MYLK4: variants seen among roughly 807,000 people sequenced by gnomAD.
MYLK4 encodes the protein caMLCK like.
In MYLK4, 46 loss-of-function variants were observed where a neutral mutation model predicts 48.1. The ratio of observed to expected loss-of-function variants is 0.96; its 90% CI spans 0.75 to 1.22. MYLK4 has a LOEUF of 1.22. Ranked by LOEUF, MYLK4 falls within the 50% of genes most tolerant of loss-of-function variation. The pLI is 0.00. For missense variants in MYLK4, 451 were observed against 486.1 expected, an observed-to-expected ratio of 0.93 and a Z score of 0.68; for synonymous variants, 170 against 180.8, an observed-to-expected ratio of 0.94 and a Z score of 0.48.
At chr6:2,722,384 T>C (rs954743767) in intron 2 of MYLK4, among the ~76,000 whole-genome samples, 8 of 152,190 alleles carry the variant, frequency 5.3e-5, no homozygotes, top group African/African-American at 1.9e-4. Context: ...ATAGTAGTGC[T>C]TTACATAGCT....
intron 4 of MYLK4, among the ~76,000 whole-genome samples, chr6:2,686,067 CAA>C (rs35091208): frequency 3.9e-3 from 470 of 119,206 alleles, no homozygotes; most frequent in African/African-American, 0.012. Context: ...GAATCCATCT[CAA>C]AAAAAAAAAA....
intron 2 of MYLK4, among the ~76,000 whole-genome samples, chr6:2,729,972 G>A (rs908484620): frequency 6.6e-6 from 1 of 152,182 alleles, no homozygotes; most frequent in African/African-American, 2.4e-5. Context: ...AAAGCACATC[G>A]CCTTACTGAA....
intron 2 of MYLK4, among the ~76,000 whole-genome samples, chr6:2,723,824 G>A (rs1763154924): frequency 6.6e-6 from 1 of 152,104 alleles, no homozygotes; most frequent in Non-Finnish European, 1.5e-5. Context: ...TATTTTGTCA[G>A]TTTCTAATGC....
the MYLK4 span, chr6:2,766,118 G>A: frequency 2.3e-6 from 3 of 1,325,814 alleles, no homozygotes; most frequent in African/African-American, 1.5e-5. Flanking sequence ...GCAGGAGGAG[G>A]AGGAGGCCGT....
At position 2,737,981 on chromosome 6, in the gene MYLK4, T is replaced by C. The variant is rs4959723; in HGVS notation, c.159+11155A>G. On this transcript the variant is annotated intron_variant, in intron 2 of 12. Transcript: ENST00000274643. ...CTGGGGGTGGGGTGCCGGGGGCGGG[T>C]GGGGGGGGGGTGGTCAATGTTATTA... Among the ~76,000 whole-genome samples the C allele has an allele frequency of 7.6e-4, 21 of 27,690 alleles. 3 individuals are homozygous for C. The highest frequency in any genetic ancestry group is 1.6e-3 in the African/African-American group (15 of 9,278). 18.2% of individuals were successfully genotyped at this position (27,690 alleles called of 152,430 possible).
At chr6:2,704,051 G>A (rs145587407) in intron 2 of MYLK4, among the ~76,000 whole-genome samples, 2,017 of 152,290 alleles carry the variant, frequency 0.013, 27 homozygotes, top group Non-Finnish European at 0.021. Flanking sequence ...TTATCACACT[G>A]TGTTGAATGA....
At chr6:2,721,782 T>G (rs1398130334) in intron 2 of MYLK4, among the ~76,000 whole-genome samples, 1 of 152,222 alleles carries the variant, frequency 6.6e-6, no homozygotes, top group Admixed American at 6.5e-5. Flanking sequence ...GTTTCCCAAG[T>G]TGCTAGAGAG....
In MYLK4 at chr6:2,672,029, G is replaced by T. The variant is rs1209549341; in HGVS notation, c.1120-681C>A. Among the ~76,000 whole-genome samples, 2 of 152,224 alleles carry T rather than the reference G, an allele frequency of 1.3e-5. No homozygotes were observed. The highest frequency in any genetic ancestry group is 1.3e-4 in the Admixed American group (2 of 15,286). On this transcript the variant is annotated intron_variant, in intron 11 of 12. Transcript: ENST00000274643. The surrounding 1 kb of genome is among the most constrained non-coding windows in gnomAD (Gnocchi z 4.3). The stretch of plus-strand genomic sequence containing the variant: ...TCTGAGCTGTAATTAAGGAACTAAT[G>T]ATTTGATAGATTAGGGAAGAGGGTG...
intron 2 of MYLK4, among the ~76,000 whole-genome samples, chr6:2,697,270 C>G (rs1489892853): frequency 3.9e-5 from 6 of 152,184 alleles, no homozygotes; most frequent in Non-Finnish European, 8.8e-5. Context: ...TCTAATTAGT[C>G]GGTTTGAGTG....
rs755265191 is a variant in MYLK4, at chr6:2,685,572, G to T, written c.346C>A (p.Arg116Ser). Residue 116 changes from arginine to serine, a missense_variant, in exon 5 of 13, where the codon CGT becomes AGT. Coordinates refer to ENST00000274643, the MANE Select transcript of MYLK4 (RefSeq NM_001012418.5). This position sits in a 1 kb window ranked among gnomAD's most constrained non-coding sequence, Gnocchi z 4.5. ...TCACACTTGTGAACCTGGCCGAAAC[G>T]CCCTCTGCCAAAAAGAGGAAGCGGC... is the stretch of plus-strand genomic sequence containing the variant. ...VSKTEILGGGRFGQVHKCEET... is the reference protein window; with the variant it reads ...VSKTEILGGGSFGQVHKCEET... The T allele has an allele frequency of 1.3e-5, 21 of 1,614,074 alleles. 1 individual carries two copies. The South Asian group carries it at 2.2e-4, about 17-fold the overall frequency.
chr6:2,765,826 C>A, the MYLK4 span: 10 of 1,361,336 alleles, frequency 7.3e-6, no homozygotes, highest in African/African-American at 1.2e-4. Context: ...CGCCGCCCGG[C>A]GCCAAGAGGC....
chr6:2,748,364 C>G (rs897479491), intron 2 of MYLK4, among the ~76,000 whole-genome samples: 4 of 152,166 alleles, frequency 2.6e-5, no homozygotes, highest in Non-Finnish European at 5.9e-5. Flanking sequence ...TCAAAACCAC[C>G]ACATGTGCTG....
intron 2 of MYLK4, chr6:2,744,239 A>C (rs971188732): frequency 1.3e-5 from 5 of 379,918 alleles, no homozygotes; most frequent in Non-Finnish European, 2.3e-5. Context: ...TAAAAGGAAA[A>C]ATACGATGGC....
chr6:2,675,140 A>G lies in MYLK4; in HGVS notation c.1041-15T>C, dbSNP rs776240143. 32 of 1,603,250 alleles carry G rather than the reference A, an allele frequency of 2.0e-5. No individual in the cohort carries two copies. The highest frequency in any genetic ancestry group is 2.5e-5 in the Non-Finnish European group (29 of 1,170,370). The stretch of plus-strand genomic sequence containing the variant: ...TTATTCGCCAACTAGAAGGAAATTC[A>G]GAAGGTGATTAGTAGAAACACACCG... On this transcript the variant is annotated splice_polypyrimidine_tract_variant and intron_variant, in intron 10 of 12. Transcript: ENST00000274643.
intron 2 of MYLK4, among the ~76,000 whole-genome samples, chr6:2,740,304 A>T (rs1763854603): frequency 6.6e-6 from 1 of 152,190 alleles, no homozygotes; most frequent in Non-Finnish European, 1.5e-5. Flanking sequence ...AACCAGCTCC[A>T]TAGAGGTCTA....
In MYLK4 at chr6:2,670,845, G is replaced by T. The variant is rs116640852; in HGVS notation, c.*25+431C>A. 8.6e-3 allele frequency among the ~76,000 whole-genome samples: 1,310 copies of T among 152,184 alleles called. 21 individuals carry two copies. The highest frequency in any genetic ancestry group is 0.03 in the African/African-American group (1,246 of 41,486). The stretch of plus-strand genomic sequence containing the variant: ...CTTTACAAGCTGCATGGCCGTGGGG[G>T]TGTCTCTGAGTCTCTGAGACTCTGA... On this transcript the variant is annotated intron_variant, in intron 12 of 12. Transcript: ENST00000274643.
At chr6:2,747,323 G>T (rs1764132019) in intron 2 of MYLK4, among the ~76,000 whole-genome samples, 1 of 152,044 alleles carries the variant, frequency 6.6e-6, no homozygotes, top group Admixed American at 6.6e-5. Context: ...ATATATTTAT[G>T]TTCCAACTTA....
the MYLK4 span, chr6:2,766,047 G>A: frequency 7.7e-7 from 1 of 1,296,514 alleles, no homozygotes; most frequent in Non-Finnish European, 9.7e-7. Flanking sequence ...TCGGGGAAGA[G>A]GCCGGCGGCC....
rs146125324 is a variant in MYLK4, at chr6:2,711,146, G to A, written c.160-18287C>T. ...GCCACAACAGAAAATGGCAAGAACT[G>A]CTGCTCAGGTTCATATCAGTCCATT... On this transcript the variant is annotated intron_variant, in intron 2 of 12. Coordinates refer to ENST00000274643, the MANE Select transcript of MYLK4 (RefSeq NM_001012418.5). 1.7e-3 allele frequency among the ~76,000 whole-genome samples: 256 copies of A among 152,310 alleles called. 1 individual carries two copies. Among genetic ancestry groups the A allele is most frequent in the African/African-American group, 5.8e-3 (242 of 41,568 alleles).
Sources: allele counts gnomAD v4.1 joint callset (sites outside exome capture counted in the v4.1 genomes callset), GRCh38; gene constraint gnomAD v4.1.1; non-coding constraint Gnocchi (gnomAD v3.1); transcripts MANE v1.5; gene names NCBI Gene and HGNC (gene_info 2026-07-23, HGNC 2026-07-21).